The following FEZ2 variants were observed in gnomAD, a reference collection of about 807,000 sequenced individuals.
FEZ2 encodes fasciculation and elongation protein zeta-2.
In FEZ2, 51 loss-of-function variants were observed where a neutral mutation model predicts 40.4. The observed-to-expected ratio is 1.26, with a 90% CI of 1.01 to 1.59. FEZ2 has a LOEUF of 1.59. FEZ2 is among the 40% of genes most tolerant of loss of function. The probability of loss-of-function intolerance (pLI) is 0.00; values close to 1 mark genes in which losing one functional copy is unlikely to be tolerated. For missense variants in FEZ2, 640 were observed against 438.3 expected (o/e 1.46, Z -4.11); for synonymous variants, 242 against 172.0 (o/e 1.41, Z -3.18).
intron 5 of FEZ2, among the ~76,000 whole-genome samples, chr2:36,566,331 C>T (rs1053658659): frequency 7.7e-6 from 1 of 129,372 alleles, no homozygotes; most frequent in Non-Finnish European, 1.6e-5. Flanking sequence ...CAGAGCGAGA[C>T]TCCGTCTCAA....
chr2:36,596,057 C>G (rs1669212764), intron 1 of FEZ2, among the ~76,000 whole-genome samples: 2 of 152,282 alleles, frequency 1.3e-5, no homozygotes, highest in Admixed American at 6.5e-5. Flanking sequence ...GTATCTAAAT[C>G]TACATATACA....
chr2:36,563,083 G>C (rs1193709767), intron 5 of FEZ2, among the ~76,000 whole-genome samples: 2 of 152,216 alleles, frequency 1.3e-5, no homozygotes, highest in African/African-American at 2.4e-5. Context: ...AAAAACAAAA[G>C]TTGATGCAGT....
At chr2:36,583,538 A>T in intron 2 of FEZ2, 69 bp from the exon 3 acceptor site, 1 of 818,202 alleles carries the variant, frequency 1.2e-6, no homozygotes, top group African/African-American at 1.7e-5. Context: ...AGCTCTGAGT[A>T]AAAGAGGCTG....
intron 2 of FEZ2, 80 bp from the exon 3 acceptor site, chr2:36,583,549 C>G (rs1396720172): frequency 1.3e-6 from 1 of 747,750 alleles, no homozygotes; most frequent in Non-Finnish European, 2.4e-6. Flanking sequence ...AAAGAGGCTG[C>G]AGAGAAAAGC....
In FEZ2 at chr2:36,598,028, C is replaced by T. The variant is rs754743107; in HGVS notation, c.115G>A (p.Glu39Lys). The change falls in exon 1 of 8, where the codon GAG (glutamate) becomes AAG (lysine). Residue 39 changes from glutamate to lysine, a missense_variant. By Grantham distance (56) the Glu-to-Lys change is moderately conservative. Transcript: ENST00000405912. ...SPEPGAEAGAEAGGGADGFPA... is the reference protein window; with the variant it reads ...SPEPGAEAGAKAGGGADGFPA... Reference sequence around the variant, plus strand: ...AAACCGTCGGCGCCCCCACCCGCCTCGGCCCCCGCCTCCGCCCCAGGCTCG... The same window carrying T: ...AAACCGTCGGCGCCCCCACCCGCCTTGGCCCCCGCCTCCGCCCCAGGCTCG... 10 of 1,453,546 alleles carry T rather than the reference C, an allele frequency of 6.9e-6. No individual in the cohort carries two copies. Among genetic ancestry groups the T allele is most frequent in the South Asian group, 5.0e-5 (4 of 79,608 alleles). The allele number at this position is 1,453,546 out of a possible 1,614,324, so 90.0% of individuals were successfully genotyped here.
intron 1 of FEZ2, among the ~76,000 whole-genome samples, chr2:36,593,240 G>C (rs1049790838): frequency 6.6e-6 from 1 of 152,132 alleles, no homozygotes; most frequent in South Asian, 2.1e-4. Flanking sequence ...GTGGCAGCAA[G>C]AGAAAAGGAG....
intron 1 of FEZ2, among the ~76,000 whole-genome samples, chr2:36,596,278 G>A (rs1178574638): frequency 2.0e-5 from 3 of 152,202 alleles, no homozygotes; most frequent in Non-Finnish European, 4.4e-5. Flanking sequence ...CCACTCCCAA[G>A]GCTGTCTTTA....
chr2:36,593,910 A>G (rs1390896106), intron 1 of FEZ2, among the ~76,000 whole-genome samples: 1 of 151,450 alleles, frequency 6.6e-6, no homozygotes, highest in Non-Finnish European at 1.5e-5. Context: ...TGCTTCCCTT[A>G]TAAAACTGAA....
intron 5 of FEZ2, chr2:36,560,874 G>A (rs375896608): frequency 1.3e-4 from 196 of 1,566,448 alleles, no homozygotes; most frequent in Non-Finnish European, 1.6e-4. Flanking sequence ...CGCTAAAGGC[G>A]GCAATATACG....
intron 5 of FEZ2, among the ~76,000 whole-genome samples, chr2:36,563,559 G>C (rs1010294439): frequency 1.3e-5 from 2 of 150,256 alleles, no homozygotes; most frequent in African/African-American, 4.9e-5. Context: ...GTCTGAGAAC[G>C]TGCTCCTATC....
chr2:36,579,737 A>G (rs988019195), intron 4 of FEZ2, among the ~76,000 whole-genome samples: 3 of 152,238 alleles, frequency 2.0e-5, no homozygotes, highest in Admixed American at 6.5e-5. Context: ...GGCATTTTAT[A>G]GCAGTGCAAG....
intron 5 of FEZ2, among the ~76,000 whole-genome samples, chr2:36,561,660 C>T (rs1381835947): frequency 6.6e-6 from 1 of 152,202 alleles, no homozygotes; most frequent in East Asian, 1.9e-4. Flanking sequence ...GGTGGCACCT[C>T]TATGGCGGCT....
At chr2:36,586,523 A>C (rs1668903016) in intron 2 of FEZ2, among the ~76,000 whole-genome samples, 1 of 151,640 alleles carries the variant, frequency 6.6e-6, no homozygotes. Context: ...GCTATTCAGG[A>C]GGCTGAGGTG....
chr2:36,577,298 C>A (rs541006919), intron 5 of FEZ2, among the ~76,000 whole-genome samples: 13 of 150,922 alleles, frequency 8.6e-5, no homozygotes, highest in African/African-American at 3.2e-4. Flanking sequence ...GCTTTTGTTG[C>A]CCAGGCTGGA....
chr2:36,578,848 C>CT lies in FEZ2; in HGVS notation c.651dup (p.Val218SerfsTer3). On this transcript the variant is annotated frameshift_variant, in exon 5 of 8. Transcript: ENST00000405912. LOFTEE classifies it high-confidence loss of function. ...TCCAGGATTTCATTTAACTCAGACA[C>CT]TGAGAGCCTTTTCACTCCTGTGACC... The CT allele has an allele frequency of 6.2e-7, 1 of 1,610,510 alleles. No individual in the cohort carries two copies.
chr2:36,585,496 G>T (rs979714270), intron 2 of FEZ2, among the ~76,000 whole-genome samples: 1 of 152,166 alleles, frequency 6.6e-6, no homozygotes, highest in African/African-American at 2.4e-5. Context: ...ATGGAGAAGA[G>T]GGAGAGGTGG....
chr2:36,566,057 C>T (rs1223360220), intron 5 of FEZ2, among the ~76,000 whole-genome samples: 1 of 152,180 alleles, frequency 6.6e-6, no homozygotes, highest in East Asian at 1.9e-4. Flanking sequence ...GGTTCTACAT[C>T]CTTAACACCC....
intron 1 of FEZ2, among the ~76,000 whole-genome samples, chr2:36,593,270 C>T (rs907001716): frequency 6.6e-6 from 1 of 152,042 alleles, no homozygotes; most frequent in Non-Finnish European, 1.5e-5. Context: ...AAAGCAGAAA[C>T]CCCTGATAAA....
At chr2:36,592,876 T>C (rs10180792) in intron 1 of FEZ2, among the ~76,000 whole-genome samples, 1 of 151,868 alleles carries the variant, frequency 6.6e-6, no homozygotes, top group Non-Finnish European at 1.5e-5. Flanking sequence ...AACCCAAAAA[T>C]CTCTAGAGAA....
Sources: allele counts gnomAD v4.1 joint callset (sites outside exome capture counted in the v4.1 genomes callset), GRCh38; gene constraint gnomAD v4.1.1; transcripts MANE v1.5; gene names NCBI Gene and HGNC (gene_info 2026-07-23, HGNC 2026-07-21).